EEIG2: variants seen among roughly 807,000 people sequenced by gnomAD.
EEIG2 encodes the protein EEIG family member 2.
chr1:108,572,608 A>T, the EEIG2 span, among the ~76,000 whole-genome samples: 3 of 151,286 alleles, frequency 2.0e-5, no homozygotes, highest in African/African-American at 7.3e-5. Context: ...GATTTATTTG[A>T]TTTATTTTAT....
At chr1:108,578,620 T>C in the EEIG2 span, among the ~76,000 whole-genome samples, 21 of 151,800 alleles carry the variant, frequency 1.4e-4, no homozygotes, top group Admixed American at 1.3e-4. Flanking sequence ...TTGCGTATAT[T>C]GACCCAGCCT....
At chr1:108,575,716 A>C in the EEIG2 span, among the ~76,000 whole-genome samples, 1 of 152,256 alleles carries the variant, frequency 6.6e-6, no homozygotes, top group Admixed American at 6.5e-5. Context: ...GTCACAAAAA[A>C]ACACATTCTA....
the EEIG2 span, chr1:108,629,636 G>C: frequency 6.2e-7 from 1 of 1,611,190 alleles, no homozygotes; most frequent in Non-Finnish European, 8.5e-7. Context: ...ACAACCTTTG[G>C]CAGTCATCAT....
At chr1:108,632,725 T>C in the EEIG2 span, among the ~76,000 whole-genome samples, 2 of 152,138 alleles carry the variant, frequency 1.3e-5, no homozygotes, top group Non-Finnish European at 2.9e-5. Flanking sequence ...TTTTAAAGGG[T>C]AAATGACATA....
the EEIG2 span, among the ~76,000 whole-genome samples, chr1:108,566,187 C>T: frequency 6.6e-6 from 1 of 152,044 alleles, no homozygotes; most frequent in South Asian, 2.1e-4. Flanking sequence ...ACTTATTGAA[C>T]CAAGTCACTT....
chr1:108,609,381 G>T, the EEIG2 span, among the ~76,000 whole-genome samples: 3 of 152,164 alleles, frequency 2.0e-5, no homozygotes, highest in African/African-American at 7.2e-5. Context: ...TACATGATGT[G>T]ATAGTAACTA....
At chr1:108,600,728 A>G in the EEIG2 span, 1 of 1,575,170 alleles carries the variant, frequency 6.3e-7, no homozygotes, top group Non-Finnish European at 8.7e-7. Flanking sequence ...CAGAAACCAT[A>G]ATTAGTTCCG....
chr1:108,590,116 C>T, the EEIG2 span, among the ~76,000 whole-genome samples: 1 of 152,096 alleles, frequency 6.6e-6, no homozygotes, highest in Non-Finnish European at 1.5e-5. Context: ...ATCCCACTAG[C>T]AAAATGAGTG....
At chr1:108,628,079 CAG>C in the EEIG2 span, 1 of 1,122,580 alleles carries the variant, frequency 8.9e-7, no homozygotes, top group East Asian at 2.4e-5. Flanking sequence ...ATGAACTTGG[CAG>C]AGTTTATAAA....
the EEIG2 span, among the ~76,000 whole-genome samples, chr1:108,617,440 G>A: frequency 6.6e-6 from 1 of 152,180 alleles, no homozygotes; most frequent in African/African-American, 2.4e-5. Context: ...AAGACAAGAG[G>A]AACAAATTGG....
At chr1:108,634,361 C>G in the EEIG2 span, among the ~76,000 whole-genome samples, 2 of 152,176 alleles carry the variant, frequency 1.3e-5, no homozygotes, top group African/African-American at 4.8e-5. Flanking sequence ...CTAGTAATCA[C>G]TACCTTACTT....
chr1:108,598,766 A>G, the EEIG2 span, among the ~76,000 whole-genome samples: 1 of 152,102 alleles, frequency 6.6e-6, no homozygotes, highest in African/African-American at 2.4e-5. Context: ...ACAAATACAT[A>G]CTTGATTTTT....
At chr1:108,560,357 A>G in the EEIG2 span, 1 of 1,381,538 alleles carries the variant, frequency 7.2e-7, no homozygotes, top group Non-Finnish European at 9.5e-7. Context: ...GGCTGGGCTG[A>G]TCCGGGGCTC....
At chr1:108,615,892 G>A in the EEIG2 span, among the ~76,000 whole-genome samples, 1 of 151,852 alleles carries the variant, frequency 6.6e-6, no homozygotes, top group Non-Finnish European at 1.5e-5. Flanking sequence ...AAACATCAAC[G>A]TGGCAACTTG....
Sources: allele counts gnomAD v4.1 joint callset (sites outside exome capture counted in the v4.1 genomes callset), GRCh38; gene constraint gnomAD v4.1.1; transcripts MANE v1.5; gene names NCBI Gene and HGNC (gene_info 2026-07-23, HGNC 2026-07-21).